Variants in MCTP2 observed in about 807,000 individuals in gnomAD.
MCTP2 encodes the protein multiple C2 and transmembrane domain-containing protein 2.
Under a neutral mutation model 111.6 loss-of-function variants are expected in MCTP2, and 132 were observed. The ratio of observed to expected loss-of-function variants is 1.18; its 90% CI spans 1.03 to 1.37. MCTP2 has a LOEUF of 1.37. Ranked by LOEUF, MCTP2 falls within the 40% of genes most tolerant of loss-of-function variation. MCTP2 has a pLI of 0.00. For missense variants in MCTP2, 1,183 were observed against 1,067.9 expected (o/e 1.11, Z -1.50); for synonymous variants, 395 against 387.7 (o/e 1.02, Z -0.22).
At chr15:94,448,153 T>G (rs1416647856) in intron 19 of MCTP2, among the ~76,000 whole-genome samples, 1 of 152,208 alleles carries the variant, frequency 6.6e-6, no homozygotes, top group African/African-American at 2.4e-5. Flanking sequence ...AATATTCTTT[T>G]TAAAAATCAA....
chr15:94,400,353 C>T (rs2081508626), intron 16 of MCTP2, among the ~76,000 whole-genome samples: 1 of 152,148 alleles, frequency 6.6e-6, no homozygotes, highest in South Asian at 2.1e-4. Flanking sequence ...GTCCTCTGCC[C>T]TTTGAAGTTT....
chr15:94,279,204 G>A (rs1022184131), intron 1 of MCTP2, among the ~76,000 whole-genome samples: 5 of 152,098 alleles, frequency 3.3e-5, no homozygotes, highest in African/African-American at 1.2e-4. Flanking sequence ...AATTGCTTTG[G>A]GCAGTGTGAT....
At chr15:94,243,653 A>G (rs558148807) in intron 1 of MCTP2, among the ~76,000 whole-genome samples, 1 of 149,214 alleles carries the variant, frequency 6.7e-6, no homozygotes, top group African/African-American at 2.4e-5. Context: ...ATATATGTAT[A>G]CACATATGCG....
intron 1 of MCTP2, among the ~76,000 whole-genome samples, chr15:94,261,808 T>C (rs2073200762): frequency 6.6e-6 from 1 of 152,224 alleles, no homozygotes; most frequent in African/African-American, 2.4e-5. Context: ...TTTATGCTGA[T>C]TCAGAATGAA....
At chr15:94,308,655 A>G (rs1295885583) in intron 2 of MCTP2, among the ~76,000 whole-genome samples, 1 of 152,248 alleles carries the variant, frequency 6.6e-6, no homozygotes, top group Non-Finnish European at 1.5e-5. Context: ...ACGGCAGGTC[A>G]GTGGACAAAT....
intron 14 of MCTP2, among the ~76,000 whole-genome samples, chr15:94,392,361 G>A (rs1357633593): frequency 6.7e-6 from 1 of 148,588 alleles, no homozygotes; most frequent in Non-Finnish European, 1.5e-5. Flanking sequence ...GACCAAGCGA[G>A]ACTCCATCTC....
chr15:94,390,072 A>ATATATGTATATATATATG (rs2080809312), intron 14 of MCTP2, among the ~76,000 whole-genome samples: 3 of 16,636 alleles, frequency 1.8e-4, no homozygotes, highest in South Asian at 3.4e-3. Flanking sequence ...ATATATATAT[A>ATATATGTATATATATATG]TATATATATA....
intron 4 of MCTP2, among the ~76,000 whole-genome samples, chr15:94,317,582 C>A (rs1456374238): frequency 1.3e-5 from 2 of 152,214 alleles, no homozygotes; most frequent in Non-Finnish European, 2.9e-5. Flanking sequence ...GCTGCACTGG[C>A]CATCTTACCT....
chr15:94,282,473 C>T (rs187280901), intron 1 of MCTP2, among the ~76,000 whole-genome samples: 220 of 152,290 alleles, frequency 1.4e-3, no homozygotes, highest in African/African-American at 5.0e-3. Flanking sequence ...GATTGAATTT[C>T]AGCCTTCTCC....
intron 17 of MCTP2, among the ~76,000 whole-genome samples, chr15:94,417,357 A>C (rs1185298592): frequency 6.6e-6 from 1 of 152,162 alleles, no homozygotes; most frequent in Non-Finnish European, 1.5e-5. Flanking sequence ...AAATGGGATA[A>C]TCAGTGCTTC....
At chr15:94,375,932 A>C (rs557668523) in intron 12 of MCTP2, among the ~76,000 whole-genome samples, 1 of 152,294 alleles carries the variant, frequency 6.6e-6, no homozygotes, top group South Asian at 2.1e-4. Context: ...GTATTTCTCA[A>C]CTTCAGGAAA....
At chr15:94,299,817 G>A (rs1237887355) in intron 2 of MCTP2, among the ~76,000 whole-genome samples, 2 of 152,158 alleles carry the variant, frequency 1.3e-5, no homozygotes, top group Non-Finnish European at 2.9e-5. Flanking sequence ...ATGTATCAGG[G>A]TTTCACCAGG....
At chr15:94,235,630 T>G (rs185409322) in intron 1 of MCTP2, among the ~76,000 whole-genome samples, 122 of 152,304 alleles carry the variant, frequency 8.0e-4, no homozygotes, top group East Asian at 5.8e-4. Context: ...TGCCAGGCAT[T>G]TTGCTAAGAA....
chr15:94,466,528 C>T lies in MCTP2; in HGVS notation c.2361-3805C>T, dbSNP rs77422398. Among the ~76,000 whole-genome samples, 945 of 152,292 alleles carry T rather than the reference C, an allele frequency of 6.2e-3. 10 individuals are homozygous for T. The highest frequency in any genetic ancestry group is 0.044 in the East Asian group (230 of 5,182). On this transcript the variant is annotated intron_variant, in intron 20 of 22. Coordinates refer to ENST00000357742, the MANE Select transcript of MCTP2 (RefSeq NM_001385001.1). ...ACCGAGGGCATGATTTATGTCCACT[C>T]TATGGTACAATGTGTCCCTCCTTCC...
chr15:94,390,478 T>C (rs1462036079), intron 14 of MCTP2, among the ~76,000 whole-genome samples: 1 of 152,064 alleles, frequency 6.6e-6, no homozygotes, highest in African/African-American at 2.4e-5. Flanking sequence ...ATTTAATATT[T>C]TTATCCTTAA....
intron 4 of MCTP2, among the ~76,000 whole-genome samples, chr15:94,333,445 A>G (rs924729838): frequency 1.4e-5 from 2 of 140,180 alleles, no homozygotes; most frequent in African/African-American, 3.2e-5. Flanking sequence ...GAGTTATATC[A>G]AAAAAAAAGC....
intron 4 of MCTP2, among the ~76,000 whole-genome samples, chr15:94,337,535 C>T (rs1254203164): frequency 6.6e-6 from 1 of 151,426 alleles, no homozygotes; most frequent in East Asian, 1.9e-4. Context: ...TTAAAGTCTG[C>T]CTCGCCAGAG....
At chr15:94,236,166 G>T (rs978540993) in intron 1 of MCTP2, among the ~76,000 whole-genome samples, 18 of 152,038 alleles carry the variant, frequency 1.2e-4, no homozygotes, top group Non-Finnish European at 2.2e-4. Flanking sequence ...TTGTTTCCTT[G>T]TTTAGGAATG....
chr15:94,253,586 A>G (rs896310841), intron 1 of MCTP2, among the ~76,000 whole-genome samples: 1 of 152,204 alleles, frequency 6.6e-6, no homozygotes, highest in East Asian at 1.9e-4. Context: ...CCTAGATCAC[A>G]CAACACTGTT....
Sources: allele counts gnomAD v4.1 joint callset (sites outside exome capture counted in the v4.1 genomes callset), GRCh38; gene constraint gnomAD v4.1.1; transcripts MANE v1.5; gene names NCBI Gene and HGNC (gene_info 2026-07-23, HGNC 2026-07-21).